The following PCMTD1 variants were observed in gnomAD, a reference collection of about 807,000 sequenced individuals.
PCMTD1 encodes protein-L-isoaspartate O-methyltransferase domain-containing protein 1.
In PCMTD1, 12 loss-of-function variants were observed where a neutral mutation model predicts 37.6. That is an observed-to-expected ratio of 0.32 (90% CI 0.20 to 0.52). The LOEUF (loss-of-function observed/expected upper bound fraction) is 0.52. Ranked by LOEUF, PCMTD1 falls within the 20% of genes least tolerant of loss-of-function variation. The pLI, the probability that PCMTD1 is intolerant of heterozygous loss-of-function variation, is 0.97. For missense variants in PCMTD1, 235 were observed against 421.3 expected (o/e 0.56, Z 3.87); for synonymous variants, 117 against 135.8 (o/e 0.86, Z 0.96).
intron 3 of PCMTD1, among the ~76,000 whole-genome samples, chr8:51,835,673 ATAAT>A (rs757127112): frequency 2.0e-5 from 3 of 152,214 alleles, no homozygotes; most frequent in Non-Finnish European, 4.4e-5. Context: ...GGGAATTTAA[ATAAT>A]TAAAAATTTT....
In PCMTD1 at chr8:51,860,967, T is replaced by C; in HGVS notation, c.185A>G (p.His62Arg). ...AGAATAAATGCAAGGTGCTGACAAG[T>C]GGATGTTTCCATGCTTCCAGGCTAA... Reference protein sequence around the residue: ...KDLAWKHGNIHLSAPCIYSEV... With the variant: ...KDLAWKHGNIRLSAPCIYSEV... Residue 62 changes from histidine (H) to arginine (R), a missense_variant, in exon 2 of 6, where the codon CAC becomes CGC. Transcript: ENST00000522514. The C allele has an allele frequency of 1.2e-6, 2 of 1,614,150 alleles. No homozygotes were observed. The highest frequency in any genetic ancestry group is 1.7e-6 in the Non-Finnish European group (2 of 1,180,018).
At chr8:51,861,308 T>G (rs940396366) in intron 1 of PCMTD1, 62 bp from the exon 2 acceptor site, 9 of 1,185,496 alleles carry the variant, frequency 7.6e-6, no homozygotes, top group Non-Finnish European at 8.0e-6. Context: ...AATAACTTGT[T>G]TATTAAATGT....
At chr8:51,855,775 T>C (rs2038379233) in intron 2 of PCMTD1, among the ~76,000 whole-genome samples, 3 of 151,856 alleles carry the variant, frequency 2.0e-5, no homozygotes, top group African/African-American at 4.8e-5. Context: ...TCTCCTGCCC[T>C]CAGCCTCCCG....
At chr8:51,864,384 T>C (rs1352519811) in intron 1 of PCMTD1, among the ~76,000 whole-genome samples, 1 of 152,172 alleles carries the variant, frequency 6.6e-6, no homozygotes, top group Non-Finnish European at 1.5e-5. Flanking sequence ...AACAACGCTT[T>C]AGACCAAATG....
intron 4 of PCMTD1, among the ~76,000 whole-genome samples, chr8:51,832,765 G>A (rs1395513987): frequency 6.6e-6 from 1 of 152,086 alleles, no homozygotes; most frequent in Non-Finnish European, 1.5e-5. Context: ...TTTCAAATGA[G>A]TCTATTCGGT....
At chr8:51,861,733 T>A (rs987658027) in intron 1 of PCMTD1, among the ~76,000 whole-genome samples, 5 of 151,970 alleles carry the variant, frequency 3.3e-5, no homozygotes, top group Admixed American at 2.6e-4. Flanking sequence ...TTAATTTTTT[T>A]TTTTTTAAGA....
chr8:51,856,400 A>G (rs1420841918), intron 2 of PCMTD1, among the ~76,000 whole-genome samples: 1 of 152,196 alleles, frequency 6.6e-6, no homozygotes, highest in Non-Finnish European at 1.5e-5. Flanking sequence ...AACCTCATAT[A>G]ATGTTGGTGG....
chr8:51,884,444 G>A (rs768946096), intron 1 of PCMTD1, among the ~76,000 whole-genome samples: 11 of 152,212 alleles, frequency 7.2e-5, no homozygotes, highest in Non-Finnish European at 1.3e-4. Context: ...GTTTCTGAAT[G>A]GCAAAAGGGA....
At chr8:51,827,119 T>G in intron 5 of PCMTD1, 1 of 1,008,438 alleles carries the variant, frequency 9.9e-7, no homozygotes, top group Non-Finnish European at 1.2e-6. Context: ...CCACAAAAAC[T>G]TATTCTCCAT....
chr8:51,851,459 A>G lies in PCMTD1; in HGVS notation c.308-5696T>C, dbSNP rs576198291. ...CAGATGTCACGATTAGTTCATTTAC[A>G]TATTTCTACACAATGTACTAATATT... On this transcript the variant is annotated intron_variant, in intron 2 of 5. Transcript: ENST00000522514. 4.6e-5 allele frequency among the ~76,000 whole-genome samples: 7 copies of G among 152,332 alleles called. No homozygotes were observed. The South Asian group carries it at 1.2e-3, about 27-fold the overall frequency.
intron 1 of PCMTD1, among the ~76,000 whole-genome samples, chr8:51,871,145 C>A (rs1369913249): frequency 6.6e-6 from 1 of 152,146 alleles, no homozygotes; most frequent in African/African-American, 2.4e-5. Flanking sequence ...CAAAAAAACA[C>A]TGCTTCTCAA....
intron 3 of PCMTD1, chr8:51,839,678 T>C (rs1434279618): frequency 4.2e-6 from 4 of 956,972 alleles, no homozygotes; most frequent in Middle Eastern, 5.3e-4. Context: ...CAATACACTG[T>C]TGAAGTGGGG....
In PCMTD1 at chr8:51,864,291, C is replaced by T. The variant is rs1033907927; in HGVS notation, c.-95-3045G>A. ...TACTAATAGATCTGAAGGATGAGAT[C>T]GACTGAAATACAATAATGGCAGAGG... On this transcript the variant is annotated intron_variant, in intron 1 of 5. Transcript: ENST00000522514. Among the ~76,000 whole-genome samples the T allele has an allele frequency of 7.2e-5, 11 of 152,066 alleles. No individual in the cohort carries two copies. The East Asian group carries it at 1.9e-3, about 27-fold the overall frequency.
chr8:51,887,879 T>G (rs764253386), intron 1 of PCMTD1, among the ~76,000 whole-genome samples: 2 of 151,694 alleles, frequency 1.3e-5, no homozygotes, highest in Non-Finnish European at 2.9e-5. Flanking sequence ...GTAGCTGGGA[T>G]TACAGGCACG....
At position 51,898,810 on chromosome 8, in the gene PCMTD1, T is replaced by A. The variant is rs1275517814; in HGVS notation, c.-96+120A>T. Reference sequence around the variant, plus strand: ...GCCCTTAAGTCCCCCTGCCCCCGACTCTTCGGCTGCCGTCCCCCTGGCCCT... The same window carrying A: ...GCCCTTAAGTCCCCCTGCCCCCGACACTTCGGCTGCCGTCCCCCTGGCCCT... On this transcript the variant is annotated intron_variant, in intron 1 of 5. Coordinates refer to ENST00000522514, the MANE Select transcript of PCMTD1 (RefSeq NM_052937.4). 9 of 879,418 alleles carry A rather than the reference T, an allele frequency of 1.0e-5. 1 individual carries two copies. Among genetic ancestry groups the A allele is most frequent in the Non-Finnish European group, 1.3e-5 (9 of 713,472 alleles). The allele number at this position is 879,418 out of a possible 1,614,324, so 54.5% of individuals were successfully genotyped here.
intron 1 of PCMTD1, among the ~76,000 whole-genome samples, chr8:51,892,408 G>C (rs2038948915): frequency 6.6e-6 from 1 of 152,122 alleles, no homozygotes; most frequent in Non-Finnish European, 1.5e-5. Context: ...CTTCCAACTC[G>C]ATTGTCAACT....
Position 51,817,712 on chromosome 8 carries a change from T to C in PCMTD1, c.*2639A>G, listed in dbSNP as rs1365520103. ...CTTTTTGTATTTTATTTTACTACTA[T>C]GTATGCTATTTTAATAACATTTTTC... On this transcript the variant is annotated 3_prime_UTR_variant, in exon 6 of 6. Transcript: ENST00000522514. 6 of 362,062 alleles carry C rather than the reference T, an allele frequency of 1.7e-5. No homozygotes were observed. The highest frequency in any genetic ancestry group is 9.0e-5 in the South Asian group (4 of 44,450). The allele number at this position is 362,062 out of a possible 1,614,324, so 22.4% of individuals were successfully genotyped here. A position where few individuals can be genotyped will look rare whatever the true frequency, so the allele number is the denominator to read the frequency against.
intron 2 of PCMTD1, among the ~76,000 whole-genome samples, chr8:51,858,390 T>C (rs907302027): frequency 6.6e-6 from 1 of 152,246 alleles, no homozygotes; most frequent in Non-Finnish European, 1.5e-5. Context: ...TTATAGTTTT[T>C]TGTTTTTAAT....
At chr8:51,844,853 T>A (rs116507492) in intron 3 of PCMTD1, 1 of 152,154 alleles carries the variant, frequency 6.6e-6, no homozygotes, top group South Asian at 2.1e-4. Flanking sequence ...ACAAGCCGAG[T>A]TGAAATTCTC....
Sources: allele counts gnomAD v4.1 joint callset (sites outside exome capture counted in the v4.1 genomes callset), GRCh38; gene constraint gnomAD v4.1.1; transcripts MANE v1.5; gene names NCBI Gene and HGNC (gene_info 2026-07-23, HGNC 2026-07-21).